Variants in DAGLB observed in about 807,000 individuals in gnomAD.
The protein encoded by DAGLB is diacylglycerol lipase beta.
Under a neutral mutation model 72.1 loss-of-function variants are expected in DAGLB, and 66 were observed. The observed-to-expected ratio is 0.92, with a 90% CI of 0.75 to 1.12. The LOEUF (loss-of-function observed/expected upper bound fraction) is 1.12. Among genes scored for constraint, DAGLB ranks in the 50% most tolerant of loss-of-function variants. The pLI, the probability that DAGLB is intolerant of heterozygous loss-of-function variation, is 0.00. For synonymous variants in DAGLB, 414 were observed against 359.5 expected (o/e 1.15, Z -1.71); for missense variants, 1,065 against 884.9 (o/e 1.20, Z -2.58).
intron 8 of DAGLB, among the ~76,000 whole-genome samples, chr7:6,424,339 C>A (rs1435677718): frequency 6.6e-6 from 1 of 152,254 alleles, no homozygotes; most frequent in East Asian, 1.9e-4. Flanking sequence ...AAACCGGGAG[C>A]CTCCAGCGGG....
chr7:6,412,309 T>A (rs1016501867), intron 13 of DAGLB, among the ~76,000 whole-genome samples: 4 of 152,062 alleles, frequency 2.6e-5, no homozygotes, highest in South Asian at 4.1e-4. Flanking sequence ...TGTAGATAAA[T>A]GTGCCTGTAC....
chr7:6,409,992 G>T lies in DAGLB; in HGVS notation c.1864C>A (p.His622Asn). ...SAAHYSAKWS[H>N]EAEFSKILIG... ...AGTATTTTGCTGAATTCCGCTTCGT[G>T]TGACCACTTGGCGCTATAGTGAGCA... The change falls in exon 15 of 15, where the codon CAC becomes AAC. Residue 622 changes from histidine to asparagine, a missense_variant. His to Asn is a moderately conservative substitution (Grantham distance 68). Coordinates refer to ENST00000297056, the MANE Select transcript of DAGLB (RefSeq NM_139179.4). 2 of 1,614,158 alleles carry T rather than the reference G, an allele frequency of 1.2e-6. No homozygotes were observed. The highest frequency in any genetic ancestry group is 1.7e-6 in the Non-Finnish European group (2 of 1,180,040).
intron 9 of DAGLB, among the ~76,000 whole-genome samples, chr7:6,420,446 A>G (rs2115253948): frequency 1.3e-5 from 2 of 151,920 alleles, no homozygotes; most frequent in Middle Eastern, 6.8e-3. Context: ...TCTCAAAAAA[A>G]AAAAAGAAAA....
intron 6 of DAGLB, 38 bp from the exon 7 acceptor site, chr7:6,426,152 G>A: frequency 6.2e-7 from 1 of 1,609,702 alleles, no homozygotes; most frequent in Non-Finnish European, 8.5e-7. Context: ...GCCGAACAGA[G>A]CCACTTGGCA....
At chr7:6,443,662 T>G (rs576064484) in intron 2 of DAGLB, among the ~76,000 whole-genome samples, 2 of 152,138 alleles carry the variant, frequency 1.3e-5, no homozygotes, top group South Asian at 4.1e-4. Flanking sequence ...GTCAAGATCT[T>G]GATGCCGTCA....
intron 9 of DAGLB, chr7:6,417,177 T>C (rs367561755): frequency 4.6e-6 from 2 of 431,842 alleles, no homozygotes; most frequent in Non-Finnish European, 4.2e-6. Context: ...AGGAGGACAC[T>C]TGAGCCCAGG....
chr7:6,419,183 G>A (rs906386975), intron 9 of DAGLB, among the ~76,000 whole-genome samples: 5 of 145,804 alleles, frequency 3.4e-5, no homozygotes, highest in Non-Finnish European at 6.0e-5. Context: ...CACCACACCC[G>A]GCTAATTTTT....
In DAGLB at chr7:6,410,279, CTG is replaced by C; in HGVS notation, c.1669_1670del (p.Gln557AlafsTer60). On this transcript the variant is annotated frameshift_variant, in exon 14 of 15. Coordinates refer to ENST00000297056, the MANE Select transcript of DAGLB (RefSeq NM_139179.4). LOFTEE classifies it high-confidence loss of function. ...GTAGGCTCTGCTCCCCCAGAAGAGG[CTG>C]TGTCAGGACTTCCTGGTCGCCCCCG... ...LDGGDQEVLTQPLLGEQSLLT... is the reference protein window; with the variant it reads ...LDGGDQEVLTXPLLGEQSLLT... 1.2e-6 allele frequency: 2 copies of C among 1,613,896 alleles called. No homozygotes were observed. Among genetic ancestry groups the C allele is most frequent in the Non-Finnish European group, 1.7e-6 (2 of 1,179,904 alleles).
At chr7:6,419,342 G>A (rs1217931809) in intron 9 of DAGLB, among the ~76,000 whole-genome samples, 7 of 152,084 alleles carry the variant, frequency 4.6e-5, no homozygotes, top group African/African-American at 7.2e-5. Flanking sequence ...TCTCTCTCCT[G>A]CGACGGCGGG....
rs762080891 is a variant in DAGLB, at chr7:6,447,885, C to T, written c.-43G>A. ...TCGCACTCAGGAGAGACCCCGCGCGCCGTTCACCGAGAACAAACCAGCACC... is the reference window on the plus strand; with the variant it reads ...TCGCACTCAGGAGAGACCCCGCGCGTCGTTCACCGAGAACAAACCAGCACC... On this transcript the variant is annotated 5_prime_UTR_variant, in exon 1 of 15. Coordinates refer to ENST00000297056, the MANE Select transcript of DAGLB (RefSeq NM_139179.4). The T allele has an allele frequency of 2.8e-5, 44 of 1,559,904 alleles. No individual in the cohort carries two copies. The highest frequency in any genetic ancestry group is 3.6e-5 in the Non-Finnish European group (42 of 1,158,274).
intron 6 of DAGLB, among the ~76,000 whole-genome samples, chr7:6,428,145 G>T (rs577433433): frequency 6.6e-6 from 1 of 151,766 alleles, no homozygotes; most frequent in Non-Finnish European, 1.5e-5. Flanking sequence ...TCAGGAGTTC[G>T]ACCAGCCTGG....
At chr7:6,412,120 G>A (rs541585153) in intron 13 of DAGLB, among the ~76,000 whole-genome samples, 239 of 152,138 alleles carry the variant, frequency 1.6e-3, no homozygotes, top group Non-Finnish European at 2.5e-3. Context: ...TTGCCATGTC[G>A]ACCACTCTGG....
rs758913450 is a variant in DAGLB, at chr7:6,421,769, C to A, written c.1176G>T (p.Val392=). The change falls in exon 9 of 15, where the codon GTG becomes GTT. Residue 392 remains valine (V), a synonymous_variant. Coordinates refer to ENST00000297056, the MANE Select transcript of DAGLB (RefSeq NM_139179.4). ...VLTDLSAESE[V]LDVECEVQDR... ...CCTGCACCTCACACTCCACGTCCAGCACCTCACTCTCCGCTGACAGGTCCG... is the reference window on the plus strand; with the variant it reads ...CCTGCACCTCACACTCCACGTCCAGAACCTCACTCTCCGCTGACAGGTCCG... The A allele has an allele frequency of 9.9e-6, 16 of 1,613,258 alleles. No individual in the cohort carries two copies. Among genetic ancestry groups the A allele is most frequent in the South Asian group, 9.9e-5 (9 of 91,078 alleles).
chr7:6,444,981 CAAGTCATATAAT>C (rs1236462954), intron 2 of DAGLB, among the ~76,000 whole-genome samples: 1 of 149,660 alleles, frequency 6.7e-6, no homozygotes. Flanking sequence ...CTATAATTAA[CAAGTCATATAAT>C]AAGAGCGTTG....
At position 6,416,750 on chromosome 7, in the gene DAGLB, T is replaced by G; in HGVS notation, c.1304A>C (p.Tyr435Ser). ...LSQAFSIAPE[Y>S]RLVIVGHSLG... is the part of the protein sequence containing the mutation. ...GCTGTGGCCCACTATGACCAGCCGG[T>G]ACTCCTAGAGGACAGACAGCAGAAT... The change falls in exon 11 of 15, where the codon TAC becomes TCC. Residue 435 changes from tyrosine (Y) to serine (S), a missense_variant. Coordinates refer to ENST00000297056, the MANE Select transcript of DAGLB (RefSeq NM_139179.4). The G allele has an allele frequency of 6.2e-7, 1 of 1,613,714 alleles. No homozygotes were observed. Among genetic ancestry groups the G allele is most frequent in the Non-Finnish European group, 8.5e-7 (1 of 1,179,826 alleles).
At chr7:6,442,458 T>C (rs1583303289) in intron 2 of DAGLB, among the ~76,000 whole-genome samples, 1 of 151,650 alleles carries the variant, frequency 6.6e-6, no homozygotes, top group African/African-American at 2.4e-5. Context: ...AAAAAAAAAG[T>C]ACACCGACTG....
chr7:6,416,816 A>T, intron 10 of DAGLB, 25 bp downstream of exon 10: 2 of 1,614,220 alleles, frequency 1.2e-6, no homozygotes, highest in Non-Finnish European at 1.7e-6. Context: ...GAGGACAAGG[A>T]AAGAAACGTT....
At chr7:6,437,036 G>A (rs879320532) in intron 2 of DAGLB, among the ~76,000 whole-genome samples, 37 of 151,794 alleles carry the variant, frequency 2.4e-4, no homozygotes, top group Non-Finnish European at 4.7e-4. Flanking sequence ...TGTAATCCTA[G>A]CTACTTGCGA....
At chr7:6,437,157 ATAATAATAAT>A in intron 2 of DAGLB, among the ~76,000 whole-genome samples, 1 of 126,052 alleles carries the variant, frequency 7.9e-6, no homozygotes, top group South Asian at 2.3e-4. Flanking sequence ...CCGTCTCAAA[ATAATAATAAT>A]AATAATAATA....
Sources: gnomAD v4.1 joint callset for allele counts (sites outside exome capture counted in the v4.1 genomes callset) on GRCh38, gnomAD v4.1.1 for gene constraint, MANE v1.5 for transcripts, NCBI Gene and HGNC (gene_info 2026-07-23, HGNC 2026-07-21) for gene names.